DNA2: variants seen among roughly 807,000 people sequenced by gnomAD.
The protein encoded by DNA2 is DNA replication ATP-dependent helicase/nuclease DNA2.
Under a neutral mutation model 119.1 loss-of-function variants are expected in DNA2, and 101 were observed. The ratio of observed to expected loss-of-function variants is 0.85; its 90% CI spans 0.72 to 1.00. The LOEUF (loss-of-function observed/expected upper bound fraction) is 1.00, where lower values mean the gene tolerates loss of function less well. DNA2 is among the 50% of genes least tolerant of loss of function. The probability of loss-of-function intolerance (pLI) is 0.00; values close to 1 mark genes in which losing one functional copy is unlikely to be tolerated. For synonymous variants in DNA2, 366 were observed against 424.4 expected, an observed-to-expected ratio of 0.86 and a Z score of 1.69; for missense variants, 1,121 against 1,255.5, an observed-to-expected ratio of 0.89 and a Z score of 1.62.
rs1462128284 is a variant in DNA2 at position 68,450,188 on chromosome 10, T to C, written c.779A>G (p.Asp260Gly). ...AGGGGACCAAATGCTTTCTTCAATA[T>C]CCATTGGTTTCACGACTTCAATGTT... ...TCNIEVVKPM[D>G]IEESIWSPRF... The change falls in exon 6 of 21, where the codon GAT becomes GGT. Residue 260 changes from aspartate (D) to glycine (G), a missense_variant. Transcript: ENST00000358410. 6.2e-7 allele frequency: 1 copy of C among 1,603,594 alleles called. No homozygotes were observed.
chr10:68,436,184 T>C (rs755481573), intron 10 of DNA2, among the ~76,000 whole-genome samples: 1 of 152,202 alleles, frequency 6.6e-6, no homozygotes, highest in Non-Finnish European at 1.5e-5. Flanking sequence ...GTCCATCAGC[T>C]GGTGAATGGA....
intron 3 of DNA2, among the ~76,000 whole-genome samples, chr10:68,467,590 G>A (rs987876643): frequency 3.9e-5 from 6 of 151,910 alleles, no homozygotes; most frequent in Admixed American, 2.0e-4. Flanking sequence ...TTGCTCTGCC[G>A]CCCAGGCTAG....
chr10:68,471,787 T>G lies in DNA2; in HGVS notation c.74+4A>C. 3.1e-6 allele frequency: 5 copies of G among 1,597,728 alleles called. No individual in the cohort carries two copies. The highest frequency in any genetic ancestry group is 1.1e-5 in the South Asian group (1 of 89,150). ...TTCCCACACCCTCCCCCCTCTCCGC[T>G]CACAGCTCCGCCGGCAGCTCCGCCT... On this transcript the variant is annotated splice_donor_region_variant and intron_variant, in intron 1 of 20. Transcript: ENST00000358410.
At chr10:68,425,763 T>C (rs1286389165) in intron 14 of DNA2, among the ~76,000 whole-genome samples, 1 of 151,560 alleles carries the variant, frequency 6.6e-6, no homozygotes, top group African/African-American at 2.4e-5. Context: ...CTTTTGCAAA[T>C]TTAATTAATA....
intron 3 of DNA2, among the ~76,000 whole-genome samples, chr10:68,466,870 C>T (rs1050781495): frequency 7.2e-5 from 11 of 152,146 alleles, no homozygotes; most frequent in Middle Eastern, 3.4e-3. Context: ...TGAGCCACTG[C>T]GCCCGGTCCA....
At chr10:68,443,254 T>A (rs2051994836) in intron 8 of DNA2, 143 bp from the exon 9 acceptor site, 1 of 736,434 alleles carries the variant, frequency 1.4e-6, no homozygotes, top group East Asian at 2.9e-5. Context: ...TAAAAGTCAT[T>A]TAAACATAAG....
rs1424936320 is a variant in DNA2, at chr10:68,437,187, T to C, written c.1470A>G (p.Ile490Met). The part of the protein sequence containing the change: ...GNLIRMEHVK[I>M]VCDGQYLHNF... ...TATGTAAATATTGCCCATCACAAAC[T>C]ATCTTTACATGTTCCATTCTAATCA... is the stretch of plus-strand genomic sequence containing the variant. The change falls in exon 10 of 21, where the codon ATA (isoleucine) becomes ATG (methionine). Residue 490 changes from isoleucine (I) to methionine (M), a missense_variant. Physicochemically the swap from Ile to Met is conservative, Grantham distance 10. Coordinates refer to ENST00000358410, the MANE Select transcript of DNA2 (RefSeq NM_001080449.3). 1 of 1,613,342 alleles carries C rather than the reference T, an allele frequency of 6.2e-7. No individual in the cohort carries two copies. Among genetic ancestry groups the C allele is most frequent in the South Asian group, 1.1e-5 (1 of 91,064 alleles).
At chr10:68,470,659 C>A in intron 1 of DNA2, 1 of 425,232 alleles carries the variant, frequency 2.4e-6, no homozygotes. Flanking sequence ...CAACATTAAA[C>A]AAGAAATTTC....
At position 68,451,055 on chromosome 10, in the gene DNA2, G is replaced by A. The variant is rs562105040; in HGVS notation, c.720-808C>T. On this transcript the variant is annotated intron_variant, in intron 5 of 20. Coordinates refer to ENST00000358410, the MANE Select transcript of DNA2 (RefSeq NM_001080449.3). ...GCGGAGGTTGCAGTGAGCCAAGATC[G>A]TGCCACTGCACTACAACCTGAGTGA... is the stretch of plus-strand genomic sequence containing the variant. Among the ~76,000 whole-genome samples, 6 of 149,544 alleles carry A rather than the reference G, an allele frequency of 4.0e-5. No homozygotes were observed. The South Asian group carries it at 8.4e-4, about 21-fold the overall frequency.
At chr10:68,433,653 CTGAGTAGG>C (rs930858779) in intron 10 of DNA2, among the ~76,000 whole-genome samples, 2 of 152,128 alleles carry the variant, frequency 1.3e-5, no homozygotes, top group African/African-American at 4.8e-5. Context: ...CCGCAGCCCC[CTGAGTAGG>C]TGGGACTACA....
At chr10:68,447,350 T>A (rs2052053787) in intron 6 of DNA2, among the ~76,000 whole-genome samples, 1 of 151,616 alleles carries the variant, frequency 6.6e-6, no homozygotes, top group Non-Finnish European at 1.5e-5. Flanking sequence ...AAACCCTGTC[T>A]CTACTAAAAA....
At chr10:68,453,988 G>C (rs1413253137) in intron 5 of DNA2, among the ~76,000 whole-genome samples, 2 of 151,954 alleles carry the variant, frequency 1.3e-5, no homozygotes, top group Non-Finnish European at 2.9e-5. Flanking sequence ...AGATGAGTCT[G>C]AATTCCACAC....
chr10:68,435,428 A>G (rs2051874907), intron 10 of DNA2, among the ~76,000 whole-genome samples: 1 of 151,488 alleles, frequency 6.6e-6, no homozygotes, highest in African/African-American at 2.4e-5. Context: ...AGCCTAAATA[A>G]AAATATTAAT....
chr10:68,446,238 T>C (rs2052037551), intron 7 of DNA2, 58 bp downstream of exon 7: 2 of 876,280 alleles, frequency 2.3e-6, no homozygotes, highest in Non-Finnish European at 3.6e-6. Flanking sequence ...TATGTATCAC[T>C]AGAAGCTGAA....
At chr10:68,455,994 G>T (rs1214630374) in intron 5 of DNA2, among the ~76,000 whole-genome samples, 9 of 152,114 alleles carry the variant, frequency 5.9e-5, no homozygotes, top group Admixed American at 5.9e-4. Flanking sequence ...AAGGCAGGAG[G>T]ATCATTTGAG....
chr10:68,445,471 T>A lies in DNA2; in HGVS notation c.1058-388A>T, dbSNP rs535704751. ...AGAGCGAAACTCGGTCTCAAAAAAA[T>A]AAATAAATAAATAAATAAAATAAAA... On this transcript the variant is annotated intron_variant, in intron 7 of 20. Transcript: ENST00000358410. Among the ~76,000 whole-genome samples, 45 of 151,662 alleles carry A rather than the reference T, an allele frequency of 3.0e-4. No homozygotes were observed. In the East Asian group the frequency reaches 3.1e-3, roughly 10 times the overall value.
chr10:68,469,880 T>TA, intron 2 of DNA2, 101 bp downstream of exon 2: 1 of 1,094,952 alleles, frequency 9.1e-7, no homozygotes, highest in Admixed American at 3.1e-5. Flanking sequence ...TACTCCCTTT[T>TA]AAACAATTAA....
At chr10:68,425,278 T>C (rs537465604) in intron 14 of DNA2, among the ~76,000 whole-genome samples, 83 of 151,676 alleles carry the variant, frequency 5.5e-4, no homozygotes, top group Non-Finnish European at 9.3e-4. Context: ...GTATTTTTAG[T>C]AGAGGCAGGG....
intron 10 of DNA2, chr10:68,436,805 A>C (rs2051894131): frequency 4.8e-6 from 2 of 415,420 alleles, no homozygotes; most frequent in Non-Finnish European, 8.5e-6. Context: ...AGGAAAATGA[A>C]AAGTGACTAC....
Sources: allele counts gnomAD v4.1 joint callset (sites outside exome capture counted in the v4.1 genomes callset), GRCh38; gene constraint gnomAD v4.1.1; transcripts MANE v1.5; gene names NCBI Gene and HGNC (gene_info 2026-07-23, HGNC 2026-07-21).